Variants in CNTN4 observed in about 807,000 individuals in gnomAD.
CNTN4 encodes the protein contactin-4.
Under a neutral mutation model 122.5 loss-of-function variants are expected in CNTN4, and 77 were observed. The ratio of observed to expected loss-of-function variants is 0.63; its 90% confidence interval spans 0.52 to 0.76. The LOEUF (loss-of-function observed/expected upper bound fraction) is 0.76. Ranked by LOEUF, CNTN4 falls within the 30% of genes least tolerant of loss-of-function variation. The pLI is 0.00. For missense variants in CNTN4, 1,256 were observed against 1,259.1 expected (o/e 1.00, Z 0.04); for synonymous variants, 512 against 447.0 (o/e 1.15, Z -1.83).
rs2079419579 is a variant in CNTN4 at position 2,571,537 on chromosome 3, T to C, written c.34T>C (p.Ser12Pro). Reference protein sequence around the residue: ...RLPWELLVLQSFILCLADDST... With the variant: ...RLPWELLVLQPFILCLADDST... ...GCCATGGGAACTGCTGGTACTGCAA[T>C]CATTCATTTTGTGCCTTGCAGGTAG... Residue 12 changes from serine (S) to proline (P), a missense_variant, in exon 4 of 25, where the codon TCA (serine) becomes CCA (proline). Coordinates refer to ENST00000418658, the MANE Select transcript of CNTN4 (RefSeq NM_175607.3). 6.2e-7 allele frequency: 1 copy of C among 1,613,654 alleles called. No individual in the cohort carries two copies. The highest frequency in any genetic ancestry group is 1.7e-5 in the Admixed American group (1 of 60,002).
At chr3:2,762,448 A>C (rs2090634088) in intron 6 of CNTN4, among the ~76,000 whole-genome samples, 1 of 152,152 alleles carries the variant, frequency 6.6e-6, no homozygotes. Flanking sequence ...TCCACTTATA[A>C]GTAAGAACAT....
chr3:2,421,485 C>G (rs983774792), intron 3 of CNTN4, among the ~76,000 whole-genome samples: 5 of 152,192 alleles, frequency 3.3e-5, no homozygotes, highest in African/African-American at 7.2e-5. Flanking sequence ...CTCCTGACTT[C>G]AAGTGATCTG....
intron 3 of CNTN4, among the ~76,000 whole-genome samples, chr3:2,340,721 A>AGAGAGAGAGAGGGG (rs72036364): frequency 1.0e-4 from 14 of 136,752 alleles, no homozygotes; most frequent in African/African-American, 1.3e-4. Context: ...AGAGAGAGAG[A>AGAGAGAGAGAGGGG]GAGAGAGAGA....
intron 4 of CNTN4, among the ~76,000 whole-genome samples, chr3:2,582,189 G>GA (rs1419014936): frequency 6.6e-6 from 1 of 152,068 alleles, no homozygotes; most frequent in Non-Finnish European, 1.5e-5. Flanking sequence ...ATTCTGAGGA[G>GA]AAAAAAAGTA....
chr3:2,658,702 A>T (rs545074507), intron 4 of CNTN4, among the ~76,000 whole-genome samples: 1 of 152,246 alleles, frequency 6.6e-6, no homozygotes, highest in Non-Finnish European at 1.5e-5. Flanking sequence ...ATTAGCTCAT[A>T]ATCTGGGAAG....
At chr3:2,559,882 C>T (rs900761882) in intron 3 of CNTN4, among the ~76,000 whole-genome samples, 2 of 152,138 alleles carry the variant, frequency 1.3e-5, no homozygotes, top group African/African-American at 4.8e-5. Flanking sequence ...ATGCAAGCTC[C>T]ATGATAGCAG....
At chr3:2,152,843 T>G in intron 2 of CNTN4, among the ~76,000 whole-genome samples, 1 of 152,114 alleles carries the variant, frequency 6.6e-6, no homozygotes, top group East Asian at 1.9e-4. Flanking sequence ...CTCAGCCTCT[T>G]GTGATGCAGT....
intron 2 of CNTN4, among the ~76,000 whole-genome samples, chr3:2,134,138 G>T (rs893585761): frequency 6.6e-6 from 1 of 152,308 alleles, no homozygotes; most frequent in South Asian, 2.1e-4. Context: ...TAAATGACTT[G>T]CTTGTGTCTA....
intron 3 of CNTN4, among the ~76,000 whole-genome samples, chr3:2,467,690 GTAAT>G (rs947681719): frequency 1.8e-4 from 28 of 152,076 alleles, no homozygotes; most frequent in South Asian, 4.1e-4. Flanking sequence ...ATTATTATCA[GTAAT>G]TAATTAATTA....
At chr3:2,921,038 A>G (rs2094424685) in intron 12 of CNTN4, among the ~76,000 whole-genome samples, 1 of 152,166 alleles carries the variant, frequency 6.6e-6, no homozygotes, top group African/African-American at 2.4e-5. Context: ...ATAATAAGAG[A>G]GCACTGACTT....
chr3:2,631,912 C>T (rs113189714), intron 4 of CNTN4, among the ~76,000 whole-genome samples: 26 of 146,772 alleles, frequency 1.8e-4, no homozygotes, highest in African/African-American at 6.4e-4. Flanking sequence ...ATTAGCTGGA[C>T]ATGGTGGCGT....
At chr3:2,534,318 A>C (rs1051600042) in intron 3 of CNTN4, among the ~76,000 whole-genome samples, 2 of 152,136 alleles carry the variant, frequency 1.3e-5, no homozygotes, top group African/African-American at 4.8e-5. Flanking sequence ...TCAGCTTTCT[A>C]CATATGGCTA....
chr3:2,554,312 CAT>C (rs1432155902), intron 3 of CNTN4, among the ~76,000 whole-genome samples: 1 of 151,954 alleles, frequency 6.6e-6, no homozygotes, highest in Admixed American at 6.6e-5. Flanking sequence ...AGTTTTATAA[CAT>C]ATATTAATTT....
intron 2 of CNTN4, among the ~76,000 whole-genome samples, chr3:2,158,694 G>C (rs2035828430): frequency 6.6e-6 from 1 of 152,312 alleles, no homozygotes; most frequent in Non-Finnish European, 1.5e-5. Context: ...TTTTGAGCCT[G>C]CATAGAAAAA....
chr3:2,474,849 G>A (rs572873251), intron 3 of CNTN4, among the ~76,000 whole-genome samples: 5 of 152,170 alleles, frequency 3.3e-5, no homozygotes, highest in Admixed American at 3.3e-4. Flanking sequence ...TTCATTGTAG[G>A]TATCCAACAT....
intron 3 of CNTN4, among the ~76,000 whole-genome samples, chr3:2,376,189 C>A (rs1310999765): frequency 3.3e-5 from 5 of 152,190 alleles, no homozygotes; most frequent in African/African-American, 4.8e-5. Context: ...TTTGAAGACA[C>A]CCATAATCCA....
At chr3:2,236,826 A>G (rs1199429630) in intron 2 of CNTN4, among the ~76,000 whole-genome samples, 1 of 152,204 alleles carries the variant, frequency 6.6e-6, no homozygotes, top group African/African-American at 2.4e-5. Flanking sequence ...ACACATCATA[A>G]AAGAGAGGGA....
intron 2 of CNTN4, among the ~76,000 whole-genome samples, chr3:2,101,802 G>A (rs990358906): frequency 1.3e-5 from 2 of 152,134 alleles, no homozygotes; most frequent in Admixed American, 1.3e-4. Flanking sequence ...TTATGAAATA[G>A]AAGGTCTCAT....
intron 12 of CNTN4, among the ~76,000 whole-genome samples, chr3:2,917,126 C>A (rs1054198955): frequency 5.0e-5 from 7 of 138,640 alleles, no homozygotes; most frequent in African/African-American, 1.9e-4. Flanking sequence ...ACGGCGAAAC[C>A]CCGTCTCCAC....
Sources: allele counts gnomAD v4.1 joint callset (sites outside exome capture counted in the v4.1 genomes callset), GRCh38; gene constraint gnomAD v4.1.1; transcripts MANE v1.5; gene names NCBI Gene and HGNC (gene_info 2026-07-23, HGNC 2026-07-21).